The following GRIK2 variants were observed in gnomAD, a reference collection of about 807,000 sequenced individuals.
GRIK2 encodes glutamate ionotropic receptor kainate type subunit 2.
In GRIK2, 32 loss-of-function variants were observed where a neutral mutation model predicts 100.3. That is an observed-to-expected ratio of 0.32 (90% CI 0.24 to 0.43). The LOEUF (loss-of-function observed/expected upper bound fraction) is 0.43. Among genes scored for constraint, GRIK2 ranks in the 20% least tolerant of loss-of-function variants. The probability of loss-of-function intolerance (pLI) is 1.00; values close to 1 mark genes in which losing one functional copy is unlikely to be tolerated. For synonymous variants in GRIK2, 417 were observed against 389.4 expected, an observed-to-expected ratio of 1.07 and a Z score of -0.83; for missense variants, 843 against 1,114.9, an observed-to-expected ratio of 0.76 and a Z score of 3.47.
At chr6:102,056,069 T>C (rs374246157) in intron 16 of GRIK2, among the ~76,000 whole-genome samples, 95 of 151,998 alleles carry the variant, frequency 6.3e-4, no homozygotes, top group African/African-American at 2.2e-3. Flanking sequence ...AAGAAAGATA[T>C]TAGCTTTCAC....
At chr6:101,935,099 TTA>T (rs370434800) in intron 14 of GRIK2, among the ~76,000 whole-genome samples, 1 of 151,906 alleles carries the variant, frequency 6.6e-6, no homozygotes, top group African/African-American at 2.4e-5. Context: ...AGAAATCAGG[TTA>T]TGTCTTTTAG....
At position 101,565,069 on chromosome 6, in the gene GRIK2, C is replaced by T. The variant is rs142050198; in HGVS notation, c.116-56880C>T. ...GGAGGAATATATTTAACATAATGTA[C>T]AGGGGCTGGATTGTCCTGAAAGATG... On this transcript the variant is annotated intron_variant, in intron 2 of 16. Transcript: ENST00000369134. 9.8e-4 allele frequency among the ~76,000 whole-genome samples: 149 copies of T among 152,164 alleles called. 1 individual carries two copies. In the East Asian group the frequency reaches 0.013, roughly 13 times the overall value.
chr6:101,627,117 C>CTGTGTGTGTGTG (rs111285339), intron 4 of GRIK2, among the ~76,000 whole-genome samples: 351 of 145,050 alleles, frequency 2.4e-3, no homozygotes, highest in African/African-American at 8.5e-3. Flanking sequence ...GTGTGTGTCT[C>CTGTGTGTGTGTG]TGTGTGTGTG....
At chr6:101,937,741 T>C (rs1790704589) in intron 14 of GRIK2, among the ~76,000 whole-genome samples, 1 of 152,054 alleles carries the variant, frequency 6.6e-6, no homozygotes, top group Admixed American at 6.6e-5. Context: ...CTTATTGACA[T>C]TGTGGCTATG....
chr6:101,723,889 C>G (rs1774668687), intron 7 of GRIK2, among the ~76,000 whole-genome samples: 1 of 151,648 alleles, frequency 6.6e-6, no homozygotes, highest in Admixed American at 6.6e-5. Flanking sequence ...TGGGATAAAC[C>G]CTTTCTGCTT....
At chr6:101,513,689 C>A (rs1774434363) in intron 2 of GRIK2, among the ~76,000 whole-genome samples, 1 of 152,030 alleles carries the variant, frequency 6.6e-6, no homozygotes, top group South Asian at 2.1e-4. Flanking sequence ...GATTTGTAGG[C>A]CATGACTCCC....
intron 10 of GRIK2, among the ~76,000 whole-genome samples, chr6:101,828,279 A>G (rs1222529634): frequency 1.3e-5 from 2 of 152,026 alleles, no homozygotes; most frequent in African/African-American, 2.4e-5. Context: ...TGTGAAAAGC[A>G]GTGATAAGAA....
At chr6:101,813,537 A>G (rs969822100) in intron 9 of GRIK2, among the ~76,000 whole-genome samples, 2 of 152,238 alleles carry the variant, frequency 1.3e-5, no homozygotes, top group African/African-American at 2.4e-5. Flanking sequence ...AATTCAGTTA[A>G]GCACAAAAAA....
At chr6:101,907,281 G>A (rs1788295939) in intron 12 of GRIK2, among the ~76,000 whole-genome samples, 1 of 151,620 alleles carries the variant, frequency 6.6e-6, no homozygotes, top group Admixed American at 6.6e-5. Context: ...AACATCATCT[G>A]AATGCTTTAA....
chr6:101,547,052 C>T (rs1200198424), intron 2 of GRIK2, among the ~76,000 whole-genome samples: 3 of 151,366 alleles, frequency 2.0e-5, no homozygotes, highest in Non-Finnish European at 4.4e-5. Context: ...GGGATGGTCT[C>T]GATCTCTTGA....
intron 14 of GRIK2, among the ~76,000 whole-genome samples, chr6:101,989,916 T>C (rs1794265166): frequency 6.6e-6 from 1 of 151,638 alleles, no homozygotes; most frequent in African/African-American, 2.4e-5. Context: ...ACTCATTTAC[T>C]AAATATGACT....
At chr6:101,574,418 G>C (rs1351313644) in intron 2 of GRIK2, among the ~76,000 whole-genome samples, 2 of 148,874 alleles carry the variant, frequency 1.3e-5, no homozygotes, top group Non-Finnish European at 3.0e-5. Flanking sequence ...TTATACAACA[G>C]TTATGTATGT....
intron 2 of GRIK2, among the ~76,000 whole-genome samples, chr6:101,515,647 T>C (rs1423342978): frequency 6.6e-6 from 1 of 152,202 alleles, no homozygotes; most frequent in African/African-American, 2.4e-5. Flanking sequence ...GGCTTTAACT[T>C]ACATTTCCCT....
At chr6:101,801,538 T>C (rs1460437492) in intron 8 of GRIK2, among the ~76,000 whole-genome samples, 1 of 152,102 alleles carries the variant, frequency 6.6e-6, no homozygotes, top group Non-Finnish European at 1.5e-5. Context: ...TTACTTCTTT[T>C]GGGTCTTGGT....
intron 2 of GRIK2, among the ~76,000 whole-genome samples, chr6:101,555,643 A>G (rs557384336): frequency 1.3e-5 from 2 of 152,212 alleles, no homozygotes; most frequent in Non-Finnish European, 2.9e-5. Flanking sequence ...TATTTACTTA[A>G]TTCAGAATTA....
intron 2 of GRIK2, among the ~76,000 whole-genome samples, chr6:101,536,872 T>C (rs1234642524): frequency 6.6e-6 from 1 of 151,728 alleles, no homozygotes; most frequent in Non-Finnish European, 1.5e-5. Flanking sequence ...TGTCCCATTA[T>C]TGCAATCCAA....
intron 7 of GRIK2, among the ~76,000 whole-genome samples, chr6:101,723,903 CTCT>C (rs1774670072): frequency 6.6e-6 from 1 of 151,698 alleles, no homozygotes; most frequent in Admixed American, 6.6e-5. Flanking sequence ...TCTGCTTTAC[CTCT>C]TCTTGTTATC....
intron 7 of GRIK2, among the ~76,000 whole-genome samples, chr6:101,707,196 A>T (rs191422379): frequency 6.6e-6 from 1 of 151,776 alleles, no homozygotes; most frequent in African/African-American, 2.4e-5. Context: ...TTTGCAAATG[A>T]ATAAGCACAT....
chr6:101,675,306 C>CCACACACACACACACACACACCACACA (rs3056135), intron 4 of GRIK2, among the ~76,000 whole-genome samples: 1 of 149,206 alleles, frequency 6.7e-6, no homozygotes, highest in African/African-American at 2.5e-5. Flanking sequence ...CACACACACA[C>CCACACACACACACACACACACCACACA]CACACACACA....
Sources: allele counts gnomAD v4.1 joint callset (sites outside exome capture counted in the v4.1 genomes callset), GRCh38; gene constraint gnomAD v4.1.1; transcripts MANE v1.5; gene names NCBI Gene and HGNC (gene_info 2026-07-23, HGNC 2026-07-21).